Variants in TOMM70 observed in about 807,000 individuals in gnomAD.
TOMM70 encodes the protein translocase of outer mitochondrial membrane 70.
A neutral mutation model predicts 73.6 loss-of-function variants in TOMM70; 13 were observed. That is an observed-to-expected ratio of 0.18 (90% CI 0.11 to 0.28). The LOEUF (loss-of-function observed/expected upper bound fraction) is 0.28, where lower values mean the gene tolerates loss of function less well. TOMM70 is among the 10% of genes least tolerant of loss of function. The pLI is 1.00. For missense variants in TOMM70, 609 were observed against 747.5 expected (o/e 0.81, Z 2.16); for synonymous variants, 257 against 271.2 (o/e 0.95, Z 0.51).
chr3:100,378,657 T>G (rs541564529), intron 5 of TOMM70, among the ~76,000 whole-genome samples: 174 of 152,278 alleles, frequency 1.1e-3, no homozygotes, highest in Non-Finnish European at 1.1e-3. Flanking sequence ...AGGAAATAAG[T>G]GACTTTAGAG....
Position 100,381,636 on chromosome 3 carries a change from T to TC in TOMM70, c.862dup (p.Glu288GlyfsTer25), listed in dbSNP as rs1429476274. On this transcript the variant is annotated frameshift_variant, in exon 5 of 12. Transcript: ENST00000284320. LOFTEE classifies it high-confidence loss of function. ...TTACTTTTCTTTCACTTCTAAAGCC[T>TC]CCCCTTCCTTGTCTTTATCTTCATC... The TC allele has an allele frequency of 6.2e-7, 1 of 1,613,202 alleles. No homozygotes were observed. The highest frequency in any genetic ancestry group is 1.3e-5 in the African/African-American group (1 of 75,000).
chr3:100,369,242 T>A, intron 9 of TOMM70, 107 bp from the exon 10 acceptor site: 1 of 789,838 alleles, frequency 1.3e-6, no homozygotes, highest in East Asian at 2.8e-5. Context: ...TATTACAAAA[T>A]TATCACGTTT....
At chr3:100,395,488 A>G (rs1476329862) in intron 1 of TOMM70, among the ~76,000 whole-genome samples, 2 of 150,008 alleles carry the variant, frequency 1.3e-5, no homozygotes, top group Non-Finnish European at 2.9e-5. Flanking sequence ...TGTTGCGGTG[A>G]GCAGAGATTG....
chr3:100,370,675 G>A (rs939079336), intron 9 of TOMM70, among the ~76,000 whole-genome samples: 4 of 151,972 alleles, frequency 2.6e-5, no homozygotes, highest in East Asian at 3.8e-4. Context: ...ACACACACAC[G>A]TACTGTATGC....
rs79032648 is a variant in TOMM70, at chr3:100,377,852, A to G, written c.945T>C (p.Ser315=). 2,423 of 1,614,180 alleles carry G rather than the reference A, an allele frequency of 1.5e-3. 31 individuals are homozygous for G. The African/African-American group carries it at 0.028, about 19-fold the overall frequency. The change falls in exon 6 of 12, where the codon AGT becomes AGC. Residue 315 remains serine (S), a synonymous_variant. Coordinates refer to ENST00000284320, the MANE Select transcript of TOMM70 (RefSeq NM_014820.5). The part of the protein sequence containing the change: ...MEEENYDKII[S]ECSKEIDAEG... The stretch of plus-strand genomic sequence containing the variant: ...CAGCATCTATTTCTTTTGAGCATTC[A>G]CTTATGATTTTATCGTAGTTTTCTT...
Position 100,365,520 on chromosome 3 carries a change from G to C in TOMM70, c.*44C>G. The C allele has an allele frequency of 6.2e-7, 1 of 1,612,762 alleles. No individual in the cohort carries two copies. Among genetic ancestry groups the C allele is most frequent in the Non-Finnish European group, 8.5e-7 (1 of 1,178,964 alleles). On this transcript the variant is annotated 3_prime_UTR_variant, in exon 12 of 12. Transcript: ENST00000284320. ...GTGTCTTTAGGGTTCAGTTGAAGAG[G>C]GGGTAAACTTTTAAAAAGAGGGTCA...
chr3:100,386,646 T>C (rs1706696023), intron 2 of TOMM70, among the ~76,000 whole-genome samples, 159 bp downstream of exon 2: 1 of 152,234 alleles, frequency 6.6e-6, no homozygotes, highest in South Asian at 2.1e-4. Context: ...TAGAATTTGT[T>C]CTTTAAAAAG....
Position 100,386,334 on chromosome 3 carries a change from T to G in TOMM70, c.509A>C (p.Lys170Thr), listed in dbSNP as rs1706692165. ...AAAFEQLQKW[K>T]EVAQDCTKAV... ...TTTTGTACAGTCTTGTGCCACTTCT[T>G]TCCATTTTTGCTGTAATTGAAAGTA... Residue 170 changes from lysine to threonine, a missense_variant, in exon 3 of 12, where the codon AAA becomes ACA. Lys to Thr is a moderately conservative substitution (Grantham distance 78). This residue lies in a region of TOMM70 where 432 missense variants were observed against 584.1 expected (regional missense o/e 0.74). Coordinates refer to ENST00000284320, the MANE Select transcript of TOMM70 (RefSeq NM_014820.5). The G allele has an allele frequency of 1.1e-5, 17 of 1,599,206 alleles. No individual in the cohort carries two copies. The highest frequency in any genetic ancestry group is 1.4e-5 in the Non-Finnish European group (17 of 1,174,418).
intron 1 of TOMM70, among the ~76,000 whole-genome samples, chr3:100,388,407 T>A (rs1706717535): frequency 6.6e-6 from 1 of 151,846 alleles, no homozygotes. Flanking sequence ...CATTCAGGAG[T>A]GAGGATCTTC....
At chr3:100,368,518 G>C (rs1045727871) in intron 10 of TOMM70, among the ~76,000 whole-genome samples, 1 of 152,162 alleles carries the variant, frequency 6.6e-6, no homozygotes, top group Non-Finnish European at 1.5e-5. Context: ...ACAGCTGACA[G>C]GATGTTCAGT....
chr3:100,400,712 T>TG lies in TOMM70; in HGVS notation c.237dup (p.Asn80GlnfsTer21). On this transcript the variant is annotated frameshift_variant, in exon 1 of 12. Coordinates refer to ENST00000284320, the MANE Select transcript of TOMM70 (RefSeq NM_014820.5). LOFTEE classifies it high-confidence loss of function. Reference sequence around the variant, plus strand: ...CCCTCCGGGGTCTTCCGTTCGCTGTTGCGCTTCAGGCCGCTGGCGTCGCCC... The same window carrying TG: ...CCCTCCGGGGTCTTCCGTTCGCTGTTGGCGCTTCAGGCCGCTGGCGTCGCCC... 6 of 1,610,824 alleles carry TG rather than the reference T, an allele frequency of 3.7e-6. No individual in the cohort carries two copies. Among genetic ancestry groups the TG allele is most frequent in the Non-Finnish European group, 5.1e-6 (6 of 1,179,472 alleles).
rs34524680 is a variant in TOMM70, at chr3:100,399,734, A to ATT, written c.324+890_324+891dup. On this transcript the variant is annotated intron_variant, in intron 1 of 11. Transcript: ENST00000284320. ...TCAAAAAGTTTAAGAAGTCACTCCC[A>ATT]TTTTTTTTTTTTTTTTTTTTGTATG... Among the ~76,000 whole-genome samples, 78 of 126,050 alleles carry ATT rather than the reference A, an allele frequency of 6.2e-4. 1 individual carries two copies. The highest frequency in any genetic ancestry group is 1.4e-3 in the African/African-American group (48 of 34,056). The allele number at this position is 126,050 out of a possible 152,430, so 82.7% of individuals were successfully genotyped here.
intron 3 of TOMM70, among the ~76,000 whole-genome samples, chr3:100,384,947 A>G (rs1652820298): frequency 6.6e-6 from 1 of 152,182 alleles, no homozygotes; most frequent in African/African-American, 2.4e-5. Context: ...TATAGGCCTC[A>G]GAGTTATTCC....
chr3:100,366,726 C>A (rs1421850746), intron 11 of TOMM70, among the ~76,000 whole-genome samples: 1 of 152,196 alleles, frequency 6.6e-6, no homozygotes, highest in Non-Finnish European at 1.5e-5. Context: ...GTTCAATTAA[C>A]GTGAACAAAA....
Position 100,372,547 on chromosome 3 carries a change from C to G in TOMM70, c.1452+59G>C, listed in dbSNP as rs917883350. 34 of 1,333,628 alleles carry G rather than the reference C, an allele frequency of 2.5e-5. 1 individual carries two copies. The South Asian group carries it at 4.3e-4, about 17-fold the overall frequency. The allele number at this position is 1,333,628 out of a possible 1,614,324, so 82.6% of individuals were successfully genotyped here. A position where few individuals can be genotyped will look rare whatever the true frequency, so the allele number is the denominator to read the frequency against. On this transcript the variant is annotated intron_variant, in intron 9 of 11. Transcript: ENST00000284320. ...CATGATAGCACTGTTTTCTGATTTC[C>G]ATACTGAGATTTGGCATATGTATGC...
At chr3:100,383,338 A>C (rs141951901) in intron 4 of TOMM70, among the ~76,000 whole-genome samples, 1,809 of 152,212 alleles carry the variant, frequency 0.012, 36 homozygotes, top group African/African-American at 0.042. Flanking sequence ...CCTGGGTAAC[A>C]TGGTGAAACC....
intron 4 of TOMM70, 87 bp from the exon 5 acceptor site, chr3:100,381,850 C>A: frequency 1.5e-6 from 2 of 1,302,078 alleles, no homozygotes; most frequent in Non-Finnish European, 2.0e-6. Context: ...GAATAACTGT[C>A]ATAAAAATTG....
At chr3:100,378,220 G>C (rs993614338) in intron 5 of TOMM70, among the ~76,000 whole-genome samples, 7 of 151,654 alleles carry the variant, frequency 4.6e-5, no homozygotes, top group African/African-American at 1.7e-4. Flanking sequence ...TCCAGCCTGG[G>C]AGACAGAGCA....
At chr3:100,368,847 A>G (rs1391383954) in intron 10 of TOMM70, among the ~76,000 whole-genome samples, 191 bp downstream of exon 10, 1 of 152,180 alleles carries the variant, frequency 6.6e-6, no homozygotes, top group African/African-American at 2.4e-5. Flanking sequence ...AAGTACTAGG[A>G]TTACGTGTAA....
Sources: gnomAD v4.1 joint callset for allele counts (sites outside exome capture counted in the v4.1 genomes callset) on GRCh38, gnomAD v4.1.1 for gene constraint, gnomAD v4.1.1 regional missense constraint, MANE v1.5 for transcripts, NCBI Gene and HGNC (gene_info 2026-07-23, HGNC 2026-07-21) for gene names.